TMEM117: variants seen among roughly 807,000 people sequenced by gnomAD.
TMEM117 encodes transmembrane protein 117.
Under a neutral mutation model 52.4 loss-of-function variants are expected in TMEM117, and 27 were observed. The ratio of observed to expected loss-of-function variants is 0.51; its 90% CI spans 0.38 to 0.71. The LOEUF (loss-of-function observed/expected upper bound fraction) is 0.71, where lower values mean the gene tolerates loss of function less well. TMEM117 is among the 30% of genes least tolerant of loss of function. The pLI, the probability that TMEM117 is intolerant of heterozygous loss-of-function variation, is 0.00. For synonymous variants in TMEM117, 215 were observed against 206.3 expected, an observed-to-expected ratio of 1.04 and a Z score of -0.36; for missense variants, 556 against 630.5, an observed-to-expected ratio of 0.88 and a Z score of 1.26.
intron 3 of TMEM117, among the ~76,000 whole-genome samples, chr12:44,001,985 A>G (rs1458596417): frequency 6.6e-6 from 1 of 152,146 alleles, no homozygotes; most frequent in African/African-American, 2.4e-5. Context: ...GTATACAGGG[A>G]CAAGAAGTGC....
chr12:43,912,755 AT>A (rs1944535318), intron 2 of TMEM117, among the ~76,000 whole-genome samples: 1 of 151,940 alleles, frequency 6.6e-6, no homozygotes, highest in East Asian at 1.9e-4. Flanking sequence ...TTTTCAATTA[AT>A]ATATGTGTAG....
chr12:44,157,237 C>T (rs1948837446), intron 4 of TMEM117, among the ~76,000 whole-genome samples: 1 of 152,090 alleles, frequency 6.6e-6, no homozygotes, highest in African/African-American at 2.4e-5. Context: ...TTCTTTACTT[C>T]TTATTAAACA....
intron 5 of TMEM117, among the ~76,000 whole-genome samples, chr12:44,294,332 A>G (rs938794661): frequency 1.3e-5 from 2 of 152,170 alleles, no homozygotes; most frequent in Non-Finnish European, 2.9e-5. Context: ...GAAACTGTGG[A>G]TAGTACTGAA....
intron 2 of TMEM117, among the ~76,000 whole-genome samples, chr12:43,936,112 C>T (rs1439745823): frequency 6.6e-6 from 1 of 151,774 alleles, no homozygotes; most frequent in African/African-American, 2.4e-5. Context: ...TTGATTTGAC[C>T]ACATAGGATT....
At chr12:43,883,768 A>T (rs1943939567) in intron 2 of TMEM117, among the ~76,000 whole-genome samples, 2 of 151,206 alleles carry the variant, frequency 1.3e-5, no homozygotes, top group South Asian at 4.2e-4. Context: ...AGACAAAAAA[A>T]AAAACAAAAA....
At chr12:44,278,530 T>G (rs2138587591) in intron 5 of TMEM117, among the ~76,000 whole-genome samples, 1 of 152,358 alleles carries the variant, frequency 6.6e-6, no homozygotes, top group Middle Eastern at 3.4e-3. Context: ...CATATATTAC[T>G]GCAGCAGTCT....
intron 6 of TMEM117, among the ~76,000 whole-genome samples, chr12:44,340,754 G>C (rs553011779): frequency 6.6e-6 from 1 of 152,036 alleles, no homozygotes; most frequent in Non-Finnish European, 1.5e-5. Context: ...TGCTTACAGG[G>C]CATGTTTGAA....
At chr12:43,950,859 A>C (rs1333631210) in intron 3 of TMEM117, among the ~76,000 whole-genome samples, 3 of 152,216 alleles carry the variant, frequency 2.0e-5, no homozygotes, top group Admixed American at 1.3e-4. Flanking sequence ...GGGAGGGGCC[A>C]AGATGGCCGA....
chr12:43,976,203 A>G (rs189222833), intron 3 of TMEM117, among the ~76,000 whole-genome samples: 7 of 152,318 alleles, frequency 4.6e-5, no homozygotes, highest in Non-Finnish European at 8.8e-5. Context: ...ATGACTGTTA[A>G]AGGAGCTAAT....
the TMEM117 span, among the ~76,000 whole-genome samples, chr12:43,808,654 G>A: frequency 6.6e-6 from 1 of 151,880 alleles, no homozygotes; most frequent in East Asian, 1.9e-4. Context: ...TCTAAAATGA[G>A]CTACTACTAG....
intron 6 of TMEM117, among the ~76,000 whole-genome samples, chr12:44,340,278 A>G (rs1327372036): frequency 6.6e-6 from 1 of 152,170 alleles, no homozygotes; most frequent in African/African-American, 2.4e-5. Context: ...TAAAGACTAT[A>G]AAGAGAAAGT....
intron 5 of TMEM117, among the ~76,000 whole-genome samples, chr12:44,292,192 CT>C (rs1950713188): frequency 6.6e-6 from 1 of 151,826 alleles, no homozygotes; most frequent in African/African-American, 2.4e-5. Flanking sequence ...GTCTTGGTAA[CT>C]TGTATGTTTC....
the TMEM117 span, among the ~76,000 whole-genome samples, chr12:43,830,933 G>C: frequency 6.6e-6 from 1 of 152,204 alleles, no homozygotes; most frequent in African/African-American, 2.4e-5. Context: ...TTGGCATCAT[G>C]GGGATTTCAG....
intron 3 of TMEM117, among the ~76,000 whole-genome samples, chr12:44,086,862 T>C (rs1947576768): frequency 6.6e-6 from 1 of 151,616 alleles, no homozygotes; most frequent in South Asian, 2.1e-4. Flanking sequence ...CTTGGTCTTG[T>C]TTCCATCGGA....
At chr12:43,835,692 G>A (rs993981055), upstream of TMEM117, among the ~76,000 whole-genome samples, 16 of 152,286 alleles carry the variant, frequency 1.1e-4, no homozygotes, top group African/African-American at 3.8e-4. Flanking sequence ...CTGCAGGATG[G>A]TGGATTTTCT....
At chr12:44,040,534 T>C (rs1362894997) in intron 3 of TMEM117, among the ~76,000 whole-genome samples, 1 of 152,186 alleles carries the variant, frequency 6.6e-6, no homozygotes, top group Non-Finnish European at 1.5e-5. Context: ...TTGAATAATT[T>C]ATATGTACAT....
At chr12:43,892,201 G>A (rs1224723665) in intron 2 of TMEM117, among the ~76,000 whole-genome samples, 1 of 152,198 alleles carries the variant, frequency 6.6e-6, no homozygotes, top group South Asian at 2.1e-4. Flanking sequence ...GGTGCGTGGG[G>A]CAAAATCCTG....
At chr12:43,802,329 C>T in the TMEM117 span, 5 of 1,589,526 alleles carry the variant, frequency 3.1e-6, no homozygotes, top group Non-Finnish European at 3.4e-6. Context: ...CCATTCATAT[C>T]CCTGGGCATT....
chr12:43,877,016 AT>A (rs1258320235), intron 2 of TMEM117, among the ~76,000 whole-genome samples: 6 of 152,214 alleles, frequency 3.9e-5, no homozygotes, highest in Middle Eastern at 6.8e-3. Flanking sequence ...ATGTCTGCTT[AT>A]TGTTCCATTG....
Sources: gnomAD v4.1 joint callset for allele counts (sites outside exome capture counted in the v4.1 genomes callset) on GRCh38, gnomAD v4.1.1 for gene constraint, MANE v1.5 for transcripts, NCBI Gene and HGNC (gene_info 2026-07-23, HGNC 2026-07-21) for gene names.